The following ZNF544 variants were observed in gnomAD, a reference collection of about 807,000 sequenced individuals.
ZNF544 encodes zinc finger protein AF020591.
ZNF544 carries 10 observed loss-of-function variants against 13.5 expected under a neutral mutation model. The observed-to-expected ratio is 0.74, with a 90% CI of 0.46 to 1.25. The LOEUF (loss-of-function observed/expected upper bound fraction) is 1.25, where lower values mean the gene tolerates loss of function less well. Among genes scored for constraint, ZNF544 ranks in the 50% most tolerant of loss-of-function variants. The probability of loss-of-function intolerance (pLI) is 0.00; values close to 1 mark genes in which losing one functional copy is unlikely to be tolerated. For synonymous variants in ZNF544, 323 were observed against 300.5 expected (o/e 1.07, Z -0.77); for missense variants, 896 against 845.6 (o/e 1.06, Z -0.74).
chr19:58,277,147 T>A, intron 6 of ZNF544: 1 of 1,229,992 alleles, frequency 8.1e-7, no homozygotes. Flanking sequence ...CCTCTCATAA[T>A]TTTGTGTAAC....
At chr19:58,251,937 G>C (rs547884024) in intron 6 of ZNF544, among the ~76,000 whole-genome samples, 81 of 152,302 alleles carry the variant, frequency 5.3e-4, no homozygotes, top group South Asian at 1.7e-3. Flanking sequence ...GGAGACAAAA[G>C]ATGGGCTGTT....
At chr19:58,232,074 T>G (rs987509015) in intron 3 of ZNF544, among the ~76,000 whole-genome samples, 5 of 151,984 alleles carry the variant, frequency 3.3e-5, no homozygotes, top group Non-Finnish European at 7.4e-5. Flanking sequence ...ACTTGAAAAC[T>G]AATACAAAAT....
rs1189191215 is a variant in ZNF544, at chr19:58,261,036, G to T, written c.430G>T (p.Val144Leu). ...CCAGGAGAACTCCTTGAGGTTCATG[G>T]TACTCACCTCAGAGAGACTGTTTGC... ...EHQENSLRFM[V>L]LTSERLFAQR... The change falls in exon 7 of 7, where the codon GTA (valine) becomes TTA (leucine). Residue 144 changes from valine to leucine, a missense_variant. Physicochemically the swap from Val to Leu is conservative, Grantham distance 32. Transcript: ENST00000687789. The T allele has an allele frequency of 6.2e-6, 10 of 1,614,062 alleles. No homozygotes were observed. Among genetic ancestry groups the T allele is most frequent in the East Asian group, 2.2e-5 (1 of 44,896 alleles).
intron 5 of ZNF544, among the ~76,000 whole-genome samples, chr19:58,270,735 G>C (rs2050533742): frequency 6.6e-6 from 1 of 152,216 alleles, no homozygotes; most frequent in Non-Finnish European, 1.5e-5. Flanking sequence ...TGGGAGAGTA[G>C]ATGGGGAAAG....
chr19:58,231,227 C>T (rs1007827550), intron 3 of ZNF544, among the ~76,000 whole-genome samples: 8 of 152,074 alleles, frequency 5.3e-5, no homozygotes, highest in Non-Finnish European at 7.4e-5. Flanking sequence ...GTGTACCAGA[C>T]GGGGAGGCTG....
chr19:58,231,205 G>C lies in ZNF544; in HGVS notation c.-60+743G>C, dbSNP rs116534918. Among the ~76,000 whole-genome samples the C allele has an allele frequency of 8.1e-4, 124 of 152,292 alleles. 1 individual carries two copies. The highest frequency in any genetic ancestry group is 2.9e-3 in the African/African-American group (119 of 41,546). Reference sequence around the variant, plus strand: ...GAAAAAGAACAGGGGCATTGGGCTGGGCTGGGGTGGGGTGTACCAGACGGG... The same window carrying C: ...GAAAAAGAACAGGGGCATTGGGCTGCGCTGGGGTGGGGTGTACCAGACGGG... On this transcript the variant is annotated intron_variant, in intron 3 of 6. Coordinates refer to ENST00000687789, the MANE Select transcript of ZNF544 (RefSeq NM_014480.4).
chr19:58,275,210 C>T (rs1444124883), intron 5 of ZNF544, among the ~76,000 whole-genome samples: 3 of 152,076 alleles, frequency 2.0e-5, no homozygotes, highest in East Asian at 1.9e-4. Flanking sequence ...ACTTGTCTCC[C>T]GTGTTTCCTT....
intron 6 of ZNF544, among the ~76,000 whole-genome samples, chr19:58,251,781 A>T (rs1229036801): frequency 2.0e-5 from 3 of 152,208 alleles, no homozygotes; most frequent in Non-Finnish European, 4.4e-5. Context: ...CAGTAAGCAG[A>T]TCCAAGTTTC....
At chr19:58,253,061 A>AC (rs2046567223) in intron 6 of ZNF544, among the ~76,000 whole-genome samples, 1 of 152,098 alleles carries the variant, frequency 6.6e-6, no homozygotes, top group Non-Finnish European at 1.5e-5. Context: ...CTTGTGATCC[A>AC]CCCACCTTGG....
chr19:58,275,325 C>A (rs986167885), intron 5 of ZNF544, among the ~76,000 whole-genome samples: 1 of 152,090 alleles, frequency 6.6e-6, no homozygotes, highest in Non-Finnish European at 1.5e-5. Context: ...GCACTGGCAT[C>A]CGGTGACCTT....
chr19:58,272,890 A>G (rs1257497631), intron 5 of ZNF544, among the ~76,000 whole-genome samples: 2 of 151,660 alleles, frequency 1.3e-5, no homozygotes, highest in African/African-American at 4.8e-5. Flanking sequence ...AAAAGAAAAG[A>G]AAAGAAAAAA....
intron 6 of ZNF544, chr19:58,247,716 TG>T (rs1166789593): frequency 6.6e-6 from 1 of 152,018 alleles, no homozygotes; most frequent in Non-Finnish European, 1.5e-5. Flanking sequence ...GTATTTTTAA[TG>T]GAGATAGGGT....
At chr19:58,252,307 C>G (rs1033556544) in intron 6 of ZNF544, among the ~76,000 whole-genome samples, 1 of 152,178 alleles carries the variant, frequency 6.6e-6, no homozygotes, top group Admixed American at 6.5e-5. Context: ...ATCCTTTTCA[C>G]GACTTACACA....
rs189734750 is a variant in ZNF544 at position 58,239,045 on chromosome 19, C to T, written c.-59-4920C>T. Among the ~76,000 whole-genome samples the T allele has an allele frequency of 3.0e-3, 458 of 152,134 alleles. 4 individuals carry two copies. Among genetic ancestry groups the T allele is most frequent in the African/African-American group, 9.9e-3 (411 of 41,492 alleles). On this transcript the variant is annotated intron_variant, in intron 3 of 6. Transcript: ENST00000687789. ...CCTGACTGGCCTCTGAGTTCTCCTT[C>T]GCGTTCAGGAAGAGAAGGTGGTGAA... is the stretch of plus-strand genomic sequence containing the variant.
intron 6 of ZNF544, among the ~76,000 whole-genome samples, chr19:58,251,140 C>A (rs576608639): frequency 7.2e-5 from 11 of 152,300 alleles, no homozygotes; most frequent in African/African-American, 2.6e-4. Context: ...AATTAAAACA[C>A]TTTGCTTAAT....
At chr19:58,271,077 T>G (rs1050958545) in intron 5 of ZNF544, among the ~76,000 whole-genome samples, 1 of 151,752 alleles carries the variant, frequency 6.6e-6, no homozygotes, top group Admixed American at 6.6e-5. Flanking sequence ...CCCAGCGTGG[T>G]GGTGGGCACC....
chr19:58,255,156 G>A lies in ZNF544; in HGVS notation c.245-5695G>A, dbSNP rs539333430. On this transcript the variant is annotated intron_variant, in intron 6 of 6. Transcript: ENST00000687789. ...ACCCGCCTCAGCCTCCCAAAGTGCT[G>A]GGATTACAGGTGTGAGCCACAGCGC... Among the ~76,000 whole-genome samples, 262 of 151,070 alleles carry A rather than the reference G, an allele frequency of 1.7e-3. 1 individual carries two copies. Among genetic ancestry groups the A allele is most frequent in the Admixed American group, 2.7e-3 (41 of 15,122 alleles).
rs572206018 is a variant in ZNF544 at position 58,239,150 on chromosome 19, G to T, written c.-59-4815G>T. On this transcript the variant is annotated intron_variant, in intron 3 of 6. Coordinates refer to ENST00000687789, the MANE Select transcript of ZNF544 (RefSeq NM_014480.4). ...TGTGAGGTTGGCCTCAGGCTTAAGAGTCCTGTGCCTGACACAGGCTTGCCC... is the reference window on the plus strand; with the variant it reads ...TGTGAGGTTGGCCTCAGGCTTAAGATTCCTGTGCCTGACACAGGCTTGCCC... Among the ~76,000 whole-genome samples, 19 of 152,336 alleles carry T rather than the reference G, an allele frequency of 1.2e-4. No homozygotes were observed. In the South Asian group the frequency reaches 3.5e-3, roughly 28 times the overall value.
chr19:58,241,617 C>T (rs184919898), intron 3 of ZNF544, among the ~76,000 whole-genome samples: 1 of 152,090 alleles, frequency 6.6e-6, no homozygotes, highest in East Asian at 1.9e-4. Flanking sequence ...CTGCTTCGGC[C>T]TCCTGAGTAG....
Sources: allele counts gnomAD v4.1 joint callset (sites outside exome capture counted in the v4.1 genomes callset), GRCh38; gene constraint gnomAD v4.1.1; transcripts MANE v1.5; gene names NCBI Gene and HGNC (gene_info 2026-07-23, HGNC 2026-07-21).